Variants in PGGT1B observed in about 807,000 individuals in gnomAD.
The protein encoded by PGGT1B is geranylgeranyl transferase type-1 subunit beta.
In PGGT1B, 30 loss-of-function variants were observed where a neutral mutation model predicts 46.1. The observed-to-expected ratio is 0.65, with a 90% CI of 0.49 to 0.88. The LOEUF is 0.88. Ranked by LOEUF, PGGT1B falls within the 40% of genes least tolerant of loss-of-function variation. The pLI is 0.00. For missense variants in PGGT1B, 376 were observed against 455.9 expected, an observed-to-expected ratio of 0.82 and a Z score of 1.60; for synonymous variants, 170 against 160.0, an observed-to-expected ratio of 1.06 and a Z score of -0.47.
rs1198240088 is a variant in PGGT1B at position 115,210,245 on chromosome 5, G to C, written c.*2157C>G. 4 of 152,176 alleles carry C rather than the reference G, an allele frequency of 2.6e-5. No individual in the cohort carries two copies. The South Asian group carries it at 6.2e-4, about 24-fold the overall frequency. The allele number at this position is 152,176 out of a possible 1,614,324, so 9.4% of individuals were successfully genotyped here. The stretch of plus-strand genomic sequence containing the variant: ...CGGGAAGGAGACAAGTATAGAGTAG[G>C]TAACAGAGCTTTTTGAGATTTCGGA... On this transcript the variant is annotated 3_prime_UTR_variant, in exon 9 of 9. Coordinates refer to ENST00000419445, the MANE Select transcript of PGGT1B (RefSeq NM_005023.4).
At chr5:115,248,000 C>G (rs188689945) in intron 2 of PGGT1B, among the ~76,000 whole-genome samples, 94 of 152,260 alleles carry the variant, frequency 6.2e-4, no homozygotes, top group African/African-American at 2.0e-3. Flanking sequence ...ATGCAACACG[C>G]TTGACTTAGC....
intron 1 of PGGT1B, among the ~76,000 whole-genome samples, chr5:115,260,259 G>T (rs1339082209): frequency 1.3e-5 from 2 of 152,150 alleles, no homozygotes; most frequent in East Asian, 1.9e-4. Context: ...GAAAATAAGT[G>T]TCTAAATATC....
At chr5:115,240,136 T>C (rs1333489562) in intron 3 of PGGT1B, among the ~76,000 whole-genome samples, 1 of 152,032 alleles carries the variant, frequency 6.6e-6, no homozygotes, top group East Asian at 1.9e-4. Flanking sequence ...CAGATGAAGG[T>C]AATACAGCAT....
At chr5:115,249,676 T>G (rs1197967096) in intron 2 of PGGT1B, among the ~76,000 whole-genome samples, 3 of 152,036 alleles carry the variant, frequency 2.0e-5, no homozygotes, top group African/African-American at 7.2e-5. Flanking sequence ...TTGAAAAAGG[T>G]TGCTTTACGA....
chr5:115,220,695 C>T (rs555688731), intron 7 of PGGT1B, among the ~76,000 whole-genome samples: 124 of 151,792 alleles, frequency 8.2e-4, no homozygotes, highest in Non-Finnish European at 1.2e-3. Context: ...AGGAAATATA[C>T]GTGATACAAC....
intron 6 of PGGT1B, among the ~76,000 whole-genome samples, chr5:115,229,021 A>G (rs1247472192): frequency 1.3e-5 from 2 of 152,232 alleles, no homozygotes; most frequent in East Asian, 3.9e-4. Context: ...AAGAGAGAAC[A>G]CAATGACTTG....
chr5:115,222,065 G>T, intron 6 of PGGT1B, 57 bp from the exon 7 acceptor site: 1 of 1,012,634 alleles, frequency 9.9e-7, no homozygotes, highest in African/African-American at 1.7e-5. Flanking sequence ...TATGAAAATA[G>T]TACAAAATGT....
rs186505094 is a variant in PGGT1B, at chr5:115,221,418, G to A, written c.843+406C>T. Among the ~76,000 whole-genome samples the A allele has an allele frequency of 3.8e-3, 572 of 152,074 alleles. 1 individual carries two copies. Among genetic ancestry groups the A allele is most frequent in the Middle Eastern group, 0.014 (4 of 294 alleles). On this transcript the variant is annotated intron_variant, in intron 7 of 8. Transcript: ENST00000419445. ...GTCCTTACATGGTTTTTGAAGAAAT[G>A]ACCCATGGTTTGTCTTTTAAGATTA...
intron 7 of PGGT1B, among the ~76,000 whole-genome samples, chr5:115,219,527 C>T (rs1045598008): frequency 1.9e-4 from 29 of 151,906 alleles, no homozygotes; most frequent in African/African-American, 6.0e-4. Context: ...ATCTTTACGA[C>T]CGTGGATTCA....
At chr5:115,226,080 C>T (rs1347788627) in intron 6 of PGGT1B, among the ~76,000 whole-genome samples, 2 of 11,980 alleles carry the variant, frequency 1.7e-4, no homozygotes, top group South Asian at 2.7e-3. Context: ...CCTGAGTTGG[C>T]GGGGGTGGGG....
intron 6 of PGGT1B, among the ~76,000 whole-genome samples, chr5:115,225,101 T>C (rs138014933): frequency 6.5e-4 from 99 of 152,266 alleles, no homozygotes; most frequent in African/African-American, 2.3e-3. Context: ...TTTGAATTCA[T>C]CAAGAAAAGG....
chr5:115,262,522 A>G (rs1401766382), intron 1 of PGGT1B, 190 bp downstream of exon 1: 1 of 633,362 alleles, frequency 1.6e-6, no homozygotes, highest in Non-Finnish European at 2.7e-6. Flanking sequence ...CCCTCGACCT[A>G]CAGCCTTCCA....
Position 115,225,976 on chromosome 5 carries a change from A to T in PGGT1B, c.659-3968T>A, listed in dbSNP as rs1403839507. On this transcript the variant is annotated intron_variant, in intron 6 of 8. Transcript: ENST00000419445. Reference sequence around the variant, plus strand: ...TGAAGTAAATTCAAGGGAGTTGATTATTTAGATTTAATATTTATCTTTATA... The same window carrying T: ...TGAAGTAAATTCAAGGGAGTTGATTTTTTAGATTTAATATTTATCTTTATA... 3.4e-5 allele frequency among the ~76,000 whole-genome samples: 5 copies of T among 149,136 alleles called. No homozygotes were observed. In the South Asian group the frequency reaches 1.1e-3, roughly 32 times the overall value.
intron 2 of PGGT1B, among the ~76,000 whole-genome samples, chr5:115,245,474 A>G (rs1011147578): frequency 5.3e-5 from 8 of 152,246 alleles, no homozygotes; most frequent in African/African-American, 1.4e-4. Context: ...TAGGCAAGTA[A>G]CAACCTCTCT....
At chr5:115,238,291 ATTTTTT>A (rs35711954) in intron 3 of PGGT1B, among the ~76,000 whole-genome samples, 6 of 46,964 alleles carry the variant, frequency 1.3e-4, no homozygotes, top group Non-Finnish European at 1.6e-4. Context: ...ATTTTTTTGG[ATTTTTT>A]TTTTTTTTTT....
chr5:115,221,504 C>T (rs1223824353), intron 7 of PGGT1B, among the ~76,000 whole-genome samples: 1 of 152,020 alleles, frequency 6.6e-6, no homozygotes, highest in East Asian at 1.9e-4. Context: ...TTTATATGAA[C>T]TAGTCAGTTC....
At chr5:115,226,171 A>G (rs375582348) in intron 6 of PGGT1B, among the ~76,000 whole-genome samples, 1 of 152,240 alleles carries the variant, frequency 6.6e-6, no homozygotes. Context: ...ATTTTACCCT[A>G]AAACTGTACA....
chr5:115,237,852 T>C lies in PGGT1B; in HGVS notation c.479+6A>G. 6.3e-7 allele frequency: 1 copy of C among 1,599,562 alleles called. No individual in the cohort carries two copies. Among genetic ancestry groups the C allele is most frequent in the Non-Finnish European group, 8.5e-7 (1 of 1,176,438 alleles). Reference sequence around the variant, plus strand: ...TACAAAAAAAGTAACAAAGAATCACTCATACCTCCCATCTTCCAGCTGAAG... The same window carrying C: ...TACAAAAAAAGTAACAAAGAATCACCCATACCTCCCATCTTCCAGCTGAAG... On this transcript the variant is annotated splice_donor_region_variant and intron_variant, in intron 4 of 8. Transcript: ENST00000419445.
chr5:115,218,397 G>GTATATA (rs10624080), intron 7 of PGGT1B, among the ~76,000 whole-genome samples: 83 of 139,592 alleles, frequency 5.9e-4, no homozygotes, highest in African/African-American at 2.0e-3. Context: ...ATGTGTGTGT[G>GTATATA]TATATATATA....
Sources: allele counts gnomAD v4.1 joint callset (sites outside exome capture counted in the v4.1 genomes callset), GRCh38; gene constraint gnomAD v4.1.1; transcripts MANE v1.5; gene names NCBI Gene and HGNC (gene_info 2026-07-23, HGNC 2026-07-21).